The following SPAG16 variants were observed in gnomAD, a reference collection of about 807,000 sequenced individuals.
SPAG16 encodes the protein sperm-associated antigen 16 protein.
Under a neutral mutation model 80.4 loss-of-function variants are expected in SPAG16, and 86 were observed. The observed-to-expected ratio is 1.07, with a 90% confidence interval of 0.90 to 1.28. The LOEUF (loss-of-function observed/expected upper bound fraction) is 1.28. SPAG16 is among the 50% of genes most tolerant of loss of function. SPAG16 has a pLI of 0.00. For missense variants in SPAG16, 870 were observed against 765.3 expected (o/e 1.14, Z -1.61); for synonymous variants, 294 against 265.9 (o/e 1.11, Z -1.03).
chr2:213,864,096 A>C (rs765240447), intron 11 of SPAG16, among the ~76,000 whole-genome samples: 5 of 152,162 alleles, frequency 3.3e-5, no homozygotes, highest in Non-Finnish European at 5.9e-5. Flanking sequence ...ACAACAACAA[A>C]AAAAGCTCTA....
chr2:213,692,612 A>C (rs534006985), intron 10 of SPAG16, among the ~76,000 whole-genome samples: 13 of 152,150 alleles, frequency 8.5e-5, no homozygotes, highest in Admixed American at 4.6e-4. Flanking sequence ...AGATAGAGAC[A>C]ATCCTGTCTA....
chr2:214,024,955 T>A (rs1249106944), intron 13 of SPAG16, among the ~76,000 whole-genome samples: 1 of 151,566 alleles, frequency 6.6e-6, no homozygotes, highest in East Asian at 1.9e-4. Context: ...GATTCTGAAG[T>A]CAGATAGATT....
At chr2:214,398,934 G>A (rs1701552606) in intron 15 of SPAG16, among the ~76,000 whole-genome samples, 1 of 152,140 alleles carries the variant, frequency 6.6e-6, no homozygotes, top group African/African-American at 2.4e-5. Context: ...TAATAATGTT[G>A]CCTTTGCATT....
chr2:213,822,671 C>T (rs982791993), intron 10 of SPAG16, among the ~76,000 whole-genome samples: 39 of 152,082 alleles, frequency 2.6e-4, no homozygotes, highest in African/African-American at 8.4e-4. Flanking sequence ...CGTAAGTACA[C>T]GTGTGCCATG....
intron 10 of SPAG16, among the ~76,000 whole-genome samples, chr2:213,628,377 T>C (rs770408878): frequency 1.4e-4 from 22 of 152,230 alleles, no homozygotes; most frequent in Non-Finnish European, 2.9e-4. Flanking sequence ...TTCTGTGCAC[T>C]AAAATTACAG....
chr2:213,737,493 C>CTTTTTTT (rs3076768), intron 10 of SPAG16, among the ~76,000 whole-genome samples: 8 of 142,252 alleles, frequency 5.6e-5, no homozygotes, highest in African/African-American at 2.1e-4. Context: ...TTTTTCTTTT[C>CTTTTTTT]TTTTTTTTTT....
chr2:213,859,074 G>A (rs2075299159), intron 10 of SPAG16, among the ~76,000 whole-genome samples: 1 of 147,646 alleles, frequency 6.8e-6, no homozygotes, highest in Non-Finnish European at 1.5e-5. Context: ...AGCTACTCAA[G>A]AGGCTAAGGC....
intron 11 of SPAG16, among the ~76,000 whole-genome samples, chr2:213,899,249 G>T (rs964151421): frequency 6.6e-6 from 1 of 152,072 alleles, no homozygotes; most frequent in Non-Finnish European, 1.5e-5. Context: ...GTCTTTGTAG[G>T]ACATGATAGC....
chr2:214,177,572 T>A (rs754738602), intron 15 of SPAG16, among the ~76,000 whole-genome samples: 3 of 149,812 alleles, frequency 2.0e-5, no homozygotes, highest in Non-Finnish European at 3.0e-5. Context: ...CCAACTCTAT[T>A]TTTTAGGCGA....
intron 14 of SPAG16, among the ~76,000 whole-genome samples, chr2:214,142,503 T>G (rs1433440151): frequency 2.6e-5 from 4 of 152,146 alleles, no homozygotes; most frequent in Admixed American, 6.6e-5. Context: ...CTCCCTTTAT[T>G]TCTTTTCCTC....
At chr2:213,421,511 C>G (rs374159301) in intron 9 of SPAG16, among the ~76,000 whole-genome samples, 1 of 152,162 alleles carries the variant, frequency 6.6e-6, no homozygotes, top group Admixed American at 6.5e-5. Context: ...AATGTGGGTC[C>G]CTGGTGAAGC....
At position 213,486,076 on chromosome 2, in the gene SPAG16, G is replaced by A. The variant is rs76208175; in HGVS notation, c.943-3887G>A. The stretch of plus-strand genomic sequence containing the variant: ...AAATGTTTGTCTTTATGTTATAAAT[G>A]TTTGAATTATTCTCTTCTAGCTATT... On this transcript the variant is annotated intron_variant, in intron 9 of 15. Coordinates refer to ENST00000331683, the MANE Select transcript of SPAG16 (RefSeq NM_024532.5). Among the ~76,000 whole-genome samples the A allele has an allele frequency of 1.3e-3, 193 of 152,166 alleles. 2 individuals carry two copies. The highest frequency in any genetic ancestry group is 2.2e-3 in the Non-Finnish European group (153 of 68,006).
intron 10 of SPAG16, among the ~76,000 whole-genome samples, chr2:213,803,202 G>C (rs2071527692): frequency 6.6e-6 from 1 of 152,142 alleles, no homozygotes; most frequent in Non-Finnish European, 1.5e-5. Context: ...ATAGACATGA[G>C]ATAGAAAGTC....
intron 12 of SPAG16, among the ~76,000 whole-genome samples, chr2:213,933,219 G>C (rs2078846556): frequency 6.6e-6 from 1 of 152,094 alleles, no homozygotes; most frequent in African/African-American, 2.4e-5. Flanking sequence ...TATTTCTTTA[G>C]AGGCATTTAG....
intron 9 of SPAG16, among the ~76,000 whole-genome samples, chr2:213,399,209 G>A (rs1041601207): frequency 6.6e-6 from 1 of 151,976 alleles, no homozygotes; most frequent in African/African-American, 2.4e-5. Flanking sequence ...TGATTTTAAA[G>A]GTGATGCATC....
chr2:213,765,041 TA>T (rs1444690268), intron 10 of SPAG16, among the ~76,000 whole-genome samples: 3 of 151,896 alleles, frequency 2.0e-5, no homozygotes, highest in Non-Finnish European at 4.4e-5. Context: ...ACATGGAAAA[TA>T]AACAACAAGG....
intron 15 of SPAG16, among the ~76,000 whole-genome samples, chr2:214,173,515 A>G (rs570524043): frequency 2.0e-5 from 3 of 151,734 alleles, no homozygotes; most frequent in African/African-American, 7.2e-5. Context: ...GTAGTATAGT[A>G]TGAAGTCAGG....
chr2:214,353,158 G>T (rs756466001), intron 15 of SPAG16, among the ~76,000 whole-genome samples: 1 of 151,862 alleles, frequency 6.6e-6, no homozygotes, highest in Non-Finnish European at 1.5e-5. Context: ...TTTCTTTATT[G>T]AATAAAATTC....
rs754330463 is a variant in SPAG16, at chr2:213,907,821, C to T, written c.1215-22139C>T. Among the ~76,000 whole-genome samples, 6 of 152,058 alleles carry T rather than the reference C, an allele frequency of 3.9e-5. 1 individual carries two copies. The highest frequency in any genetic ancestry group is 3.3e-4 in the Admixed American group (5 of 15,244). On this transcript the variant is annotated intron_variant, in intron 11 of 15. Coordinates refer to ENST00000331683, the MANE Select transcript of SPAG16 (RefSeq NM_024532.5). ...CTCTCTCATGTGGGAGCTAAAAAAA[C>T]GTTGAGCACATAGAAATAGGGAGCA...
Sources: gnomAD v4.1 joint callset for allele counts (sites outside exome capture counted in the v4.1 genomes callset) on GRCh38, gnomAD v4.1.1 for gene constraint, MANE v1.5 for transcripts, NCBI Gene and HGNC (gene_info 2026-07-23, HGNC 2026-07-21) for gene names.